The following SPRYD7 variants were observed in gnomAD, a reference collection of about 807,000 sequenced individuals.
SPRYD7 encodes SPRY domain containing 7.
A neutral mutation model predicts 23.8 loss-of-function variants in SPRYD7; 14 were observed. That is an observed-to-expected ratio of 0.59 (90% CI 0.39 to 0.92). The LOEUF is 0.92. Among genes scored for constraint, SPRYD7 ranks in the 40% least tolerant of loss-of-function variants. The pLI, the probability that SPRYD7 is intolerant of heterozygous loss-of-function variation, is 0.00. For missense variants in SPRYD7, 194 were observed against 241.7 expected (o/e 0.80, Z 1.31); for synonymous variants, 75 against 84.9 (o/e 0.88, Z 0.64).
intron 1 of SPRYD7, chr13:49,935,548 T>TAC (rs1871584196): frequency 6.6e-6 from 1 of 152,224 alleles, no homozygotes; most frequent in African/African-American, 2.4e-5. Context: ...CAGATGAAAT[T>TAC]ACAGTACCTC....
At chr13:49,932,422 G>T (rs1871424137) in intron 1 of SPRYD7, among the ~76,000 whole-genome samples, 1 of 152,222 alleles carries the variant, frequency 6.6e-6, no homozygotes. Flanking sequence ...ATCTATAGAT[G>T]AGAGTGAGAA....
chr13:49,931,186 C>A (rs1406100473), intron 1 of SPRYD7, 52 bp from the exon 2 acceptor site: 3 of 1,293,926 alleles, frequency 2.3e-6, no homozygotes, highest in Non-Finnish European at 3.3e-6. Context: ...CTTTTCTTTT[C>A]TTTTCTTTTT....
Position 49,927,938 on chromosome 13 carries a change from G to A in SPRYD7, c.371C>T (p.Pro124Leu), listed in dbSNP as rs1220887086. The A allele has an allele frequency of 7.4e-6, 12 of 1,614,030 alleles. No individual in the cohort carries two copies. Among genetic ancestry groups the A allele is most frequent in the East Asian group, 2.2e-5 (1 of 44,898 alleles). The change falls in exon 3 of 5, where the codon CCG becomes CTG. Residue 124 changes from proline (P) to leucine (L), a missense_variant. Physicochemically the swap from Pro to Leu is moderately conservative, Grantham distance 98. Transcript: ENST00000361840. ...ACTCACCACCACATCTCCTTCCTGCGGAAGACTGTTTGCTGGCAGCCTATT... is the reference window on the plus strand; with the variant it reads ...ACTCACCACCACATCTCCTTCCTGCAGAAGACTGTTTGCTGGCAGCCTATT... Reference protein sequence around the residue: ...EKNRLPANSLPQEGDVVGITY... With the variant: ...EKNRLPANSLLQEGDVVGITY...
rs746914553 is a variant in SPRYD7 at position 49,915,049 on chromosome 13, A to T, written c.*14T>A. 6.8e-7 allele frequency: 1 copy of T among 1,480,528 alleles called. No individual in the cohort carries two copies. Among genetic ancestry groups the T allele is most frequent in the Non-Finnish European group, 9.2e-7 (1 of 1,082,408 alleles). 91.7% of individuals were successfully genotyped at this position (1,480,528 alleles called of 1,614,324 possible). A position where few individuals can be genotyped will look rare whatever the true frequency, so the allele number is the denominator to read the frequency against. ...TTAACAGTGCAGAAATACAAGTTTT[A>T]AAAACAAATACATTCAGAAGATTTG... On this transcript the variant is annotated 3_prime_UTR_variant, in exon 5 of 5. Transcript: ENST00000361840.
At chr13:49,916,622 G>T (rs948321903) in intron 4 of SPRYD7, among the ~76,000 whole-genome samples, 1 of 150,846 alleles carries the variant, frequency 6.6e-6, no homozygotes, top group African/African-American at 2.4e-5. Context: ...AAAAAAGAAA[G>T]AAAAACAATA....
In SPRYD7 at chr13:49,928,090, A is replaced by G. The variant is rs2138233040; in HGVS notation, c.224-5T>C. Reference sequence around the variant, plus strand: ...CAACACCAATACCCCAGATTCCTAAAAATATAACAGTTTAAATGCCCTCAA... The same window carrying G: ...CAACACCAATACCCCAGATTCCTAAGAATATAACAGTTTAAATGCCCTCAA... On this transcript the variant is annotated splice_region_variant and splice_polypyrimidine_tract_variant and intron_variant, in intron 2 of 4. Transcript: ENST00000361840. 3.1e-6 allele frequency: 5 copies of G among 1,612,888 alleles called. No homozygotes were observed. In the East Asian group the frequency reaches 1.1e-4, roughly 36 times the overall value.
rs1955724009 is a variant in SPRYD7, at chr13:49,913,983, T to C, written c.*1080A>G. 6.5e-6 allele frequency: 1 copy of C among 153,040 alleles called. No homozygotes were observed. 9.5% of individuals were successfully genotyped at this position (153,040 alleles called of 1,614,324 possible). ...AACTACAATTTGGATCTCTTTCTAA[T>C]TCTAACACTCATGTTTTCCTGAACA... On this transcript the variant is annotated 3_prime_UTR_variant, in exon 5 of 5. Transcript: ENST00000361840.
Position 49,915,066 on chromosome 13 carries a change from G to A in SPRYD7, c.588C>T (p.Phe196=). The change falls in exon 5 of 5, where the codon TTC becomes TTT. Residue 196 remains phenylalanine (F), a synonymous_variant. Transcript: ENST00000361840. ...CAAGTTTTAAAAACAAATACATTCA[G>A]AAGATTTGCTGTTCAAATAATATTT... ...FEKILFEQQI[F] The A allele has an allele frequency of 6.5e-7, 1 of 1,540,832 alleles. No individual in the cohort carries two copies. Among genetic ancestry groups the A allele is most frequent in the Non-Finnish European group, 8.8e-7 (1 of 1,135,000 alleles).
chr13:49,919,931 G>A (rs147039865), intron 4 of SPRYD7, among the ~76,000 whole-genome samples: 36 of 151,970 alleles, frequency 2.4e-4, no homozygotes, highest in African/African-American at 8.7e-4. Flanking sequence ...AACAATAGCA[G>A]CATTGGGGGT....
intron 3 of SPRYD7, among the ~76,000 whole-genome samples, chr13:49,924,169 T>C (rs76776626): frequency 0.18 from 27,000 of 151,910 alleles, 2,733 homozygotes; most frequent in African/African-American, 0.26. Context: ...TTTTTTTTAG[T>C]AGAGACGGGG....
At chr13:49,916,116 C>T (rs549275960) in intron 4 of SPRYD7, among the ~76,000 whole-genome samples, 44 of 152,042 alleles carry the variant, frequency 2.9e-4, no homozygotes, top group African/African-American at 9.9e-4. Context: ...TTACCTTGAC[C>T]CTGGTGATGA....
chr13:49,931,484 T>C (rs1955948968), intron 1 of SPRYD7, among the ~76,000 whole-genome samples: 1 of 152,168 alleles, frequency 6.6e-6, no homozygotes, highest in East Asian at 1.9e-4. Context: ...CTGGCCAAGT[T>C]TTCTATTTTC....
intron 4 of SPRYD7, among the ~76,000 whole-genome samples, chr13:49,919,243 C>A (rs939787589): frequency 1.3e-5 from 2 of 151,388 alleles, no homozygotes; most frequent in South Asian, 4.2e-4. Context: ...ATGGTGAAAC[C>A]CCATCTCTAG....
intron 4 of SPRYD7, among the ~76,000 whole-genome samples, chr13:49,918,729 TG>T (rs1211562884): frequency 7.9e-5 from 12 of 151,588 alleles, no homozygotes; most frequent in Non-Finnish European, 1.5e-4. Context: ...TATTTTTTTT[TG>T]TGGAGACTAA....
intron 2 of SPRYD7, among the ~76,000 whole-genome samples, chr13:49,928,476 T>C (rs1254677616): frequency 1.3e-5 from 2 of 152,152 alleles, no homozygotes; most frequent in Admixed American, 1.3e-4. Flanking sequence ...GTTTGCAAAC[T>C]ATACTATGTT....
chr13:49,918,358 G>A (rs1228574730), intron 4 of SPRYD7, among the ~76,000 whole-genome samples: 2 of 151,818 alleles, frequency 1.3e-5, no homozygotes, highest in Non-Finnish European at 2.9e-5. Flanking sequence ...CATTGCACCA[G>A]TGCTGCTTTT....
chr13:49,926,179 C>T (rs1566405257), intron 3 of SPRYD7, among the ~76,000 whole-genome samples: 1 of 152,114 alleles, frequency 6.6e-6, no homozygotes, highest in Non-Finnish European at 1.5e-5. Flanking sequence ...AGAATGAGCT[C>T]ATATGAAAAC....
At chr13:49,933,619 A>G (rs988536084) in intron 1 of SPRYD7, among the ~76,000 whole-genome samples, 2 of 151,998 alleles carry the variant, frequency 1.3e-5, no homozygotes, top group Non-Finnish European at 2.9e-5. Flanking sequence ...AAAAAAAGAA[A>G]AAAAAAGAAA....
chr13:49,936,084 C>A, intron 1 of SPRYD7, 46 bp downstream of exon 1: 1 of 1,451,982 alleles, frequency 6.9e-7, no homozygotes, highest in Non-Finnish European at 9.2e-7. Context: ...GCCCGCCGCG[C>A]CCGGCCCCCG....
Sources: allele counts gnomAD v4.1 joint callset (sites outside exome capture counted in the v4.1 genomes callset), GRCh38; gene constraint gnomAD v4.1.1; transcripts MANE v1.5; gene names NCBI Gene and HGNC (gene_info 2026-07-23, HGNC 2026-07-21).